Variants in METTL15 observed in about 807,000 individuals in gnomAD.
METTL15 encodes 12S rRNA N(4)-cytidine methyltransferase METTL15.
METTL15 carries 34 observed loss-of-function variants against 38.3 expected under a neutral mutation model. The ratio of observed to expected loss-of-function variants is 0.89; its 90% CI spans 0.68 to 1.18. The LOEUF is 1.18. Ranked by LOEUF, METTL15 falls within the 50% of genes most tolerant of loss-of-function variation. The pLI, the probability that METTL15 is intolerant of heterozygous loss-of-function variation, is 0.00. For synonymous variants in METTL15, 162 were observed against 170.9 expected (o/e 0.95, Z 0.41); for missense variants, 438 against 498.4 (o/e 0.88, Z 1.15).
intron 3 of METTL15, among the ~76,000 whole-genome samples, chr11:28,161,355 A>G (rs1021879216): frequency 1.5e-4 from 23 of 151,986 alleles, no homozygotes; most frequent in African/African-American, 5.6e-4. Context: ...CCTGGCCTCA[A>G]GTGATCCACC....
intron 5 of METTL15, among the ~76,000 whole-genome samples, chr11:28,372,746 T>C (rs1850259323): frequency 6.7e-6 from 1 of 149,746 alleles, no homozygotes. Flanking sequence ...ATTAGGTATA[T>C]CTCATAATGC....
intron 5 of METTL15, among the ~76,000 whole-genome samples, chr11:28,291,425 A>G (rs1206395483): frequency 6.6e-6 from 1 of 152,144 alleles, no homozygotes; most frequent in Admixed American, 6.6e-5. Flanking sequence ...GTACTGACCT[A>G]GGGAATGGAC....
intron 4 of METTL15, among the ~76,000 whole-genome samples, chr11:28,224,873 T>C (rs1401907060): frequency 6.6e-6 from 1 of 151,802 alleles, no homozygotes; most frequent in African/African-American, 2.4e-5. Context: ...ATTGAACTTT[T>C]ATAATTTCTT....
intron 4 of METTL15, among the ~76,000 whole-genome samples, chr11:28,250,818 T>G (rs1401305512): frequency 6.6e-6 from 1 of 152,030 alleles, no homozygotes; most frequent in Non-Finnish European, 1.5e-5. Context: ...GTCAGTAACA[T>G]TCAAAACTTT....
chr11:28,360,694 C>T (rs1285049634), intron 4 of METTL15, among the ~76,000 whole-genome samples: 1 of 151,814 alleles, frequency 6.6e-6, no homozygotes, highest in African/African-American at 2.4e-5. Flanking sequence ...TTTTAGGGTA[C>T]ATGTGGACAA....
At position 28,424,025 on chromosome 11, in the gene METTL15, C is replaced by A. The variant is rs998153880; in HGVS notation, c.*359-274C>A. On this transcript the variant is annotated intron_variant and NMD_transcript_variant, in intron 5 of 7. Coordinates refer to the METTL15 transcript ENST00000532947. ...TTTTTTTTAAAAAACCCCAAAGAAA[C>A]AAACAAAAAACTTCCATAAAACCTA... 7.2e-5 allele frequency among the ~76,000 whole-genome samples: 11 copies of A among 151,912 alleles called. No individual in the cohort carries two copies. In the East Asian group the frequency reaches 1.9e-3, roughly 27 times the overall value.
chr11:28,209,152 A>G (rs1029075493), intron 3 of METTL15, among the ~76,000 whole-genome samples: 1 of 151,994 alleles, frequency 6.6e-6, no homozygotes, highest in Non-Finnish European at 1.5e-5. Flanking sequence ...ATTGCTAATG[A>G]TGATGATTTT....
chr11:28,407,193 A>T (rs1850681436), intron 5 of METTL15, among the ~76,000 whole-genome samples: 1 of 152,216 alleles, frequency 6.6e-6, no homozygotes, highest in Non-Finnish European at 1.5e-5. Flanking sequence ...CTTAAAAGTA[A>T]AACCCAAAAC....
At chr11:28,355,436 C>T (rs1042059574) in intron 4 of METTL15, among the ~76,000 whole-genome samples, 2 of 151,994 alleles carry the variant, frequency 1.3e-5, no homozygotes, top group Non-Finnish European at 2.9e-5. Flanking sequence ...AGAAGATTCA[C>T]CATTACATTA....
rs775759328 is a variant in METTL15, at chr11:28,296,807, A to C, written c.654A>C (p.Ala218=). Residue 218 remains alanine (A), a synonymous_variant, in exon 6 of 7, where the codon GCA becomes GCC. Coordinates refer to ENST00000407364, the MANE Select transcript of METTL15 (RefSeq NM_001113528.2). ...ADVVNALDQQ[A]LASILRTYGE... Reference sequence around the variant, plus strand: ...TTGTGAATGCTTTAGATCAACAGGCACTTGCATCTATCCTAAGAACATACG... The same window carrying C: ...TTGTGAATGCTTTAGATCAACAGGCCCTTGCATCTATCCTAAGAACATACG... The C allele has an allele frequency of 6.2e-7, 1 of 1,613,494 alleles. No individual in the cohort carries two copies. The highest frequency in any genetic ancestry group is 8.5e-7 in the Non-Finnish European group (1 of 1,179,656).
intron 6 of METTL15, among the ~76,000 whole-genome samples, chr11:28,504,847 C>G (rs1003186568): frequency 6.6e-6 from 1 of 152,224 alleles, no homozygotes; most frequent in Admixed American, 6.5e-5. Context: ...GCTGCTGGCA[C>G]GTAACATGCA....
intron 3 of METTL15, among the ~76,000 whole-genome samples, chr11:28,161,005 T>A (rs752330905): frequency 6.6e-6 from 1 of 151,808 alleles, no homozygotes; most frequent in Non-Finnish European, 1.5e-5. Context: ...ATATACTAGC[T>A]GTAATTGAAA....
At chr11:28,324,614 T>C (rs1049167539) in intron 6 of METTL15, among the ~76,000 whole-genome samples, 1 of 152,238 alleles carries the variant, frequency 6.6e-6, no homozygotes, top group African/African-American at 2.4e-5. Context: ...TTGGTTCCCA[T>C]GATCACATTT....
At chr11:28,252,883 C>G (rs1013609002) in intron 4 of METTL15, among the ~76,000 whole-genome samples, 2 of 152,156 alleles carry the variant, frequency 1.3e-5, no homozygotes, top group East Asian at 1.9e-4. Context: ...TTCATCCTCA[C>G]TACTTTACTG....
At chr11:28,177,521 G>A (rs1381639324) in intron 3 of METTL15, among the ~76,000 whole-genome samples, 1 of 151,920 alleles carries the variant, frequency 6.6e-6, no homozygotes, top group East Asian at 1.9e-4. Flanking sequence ...ATGAAATATG[G>A]CAATGTAGGC....
chr11:28,485,112 T>TACAC (rs33941898), intron 6 of METTL15, among the ~76,000 whole-genome samples: 31,138 of 148,698 alleles, frequency 0.21, 3,218 homozygotes, highest in African/African-American at 0.23. Flanking sequence ...AATGAAGTTT[T>TACAC]ACACACACAC....
At chr11:28,406,508 A>G (rs772187422) in intron 5 of METTL15, among the ~76,000 whole-genome samples, 1 of 152,112 alleles carries the variant, frequency 6.6e-6, no homozygotes, top group Non-Finnish European at 1.5e-5. Flanking sequence ...TCCAGTATAC[A>G]TATGTAACAA....
At chr11:28,423,824 T>C (rs1299607777) in intron 5 of METTL15, among the ~76,000 whole-genome samples, 3 of 151,446 alleles carry the variant, frequency 2.0e-5, no homozygotes, top group Admixed American at 2.0e-4. Flanking sequence ...ATTAATAATT[T>C]AACTGTACAT....
At chr11:28,108,507 G>C (rs1035218182) in intron 1 of METTL15, 55 bp downstream of exon 1, 5 of 152,648 alleles carry the variant, frequency 3.3e-5, no homozygotes, top group Non-Finnish European at 7.3e-5. Flanking sequence ...GCTAGGGGGA[G>C]AGGTGGAGTT....
Sources: allele counts gnomAD v4.1 joint callset (sites outside exome capture counted in the v4.1 genomes callset), GRCh38; gene constraint gnomAD v4.1.1; transcripts MANE v1.5; gene names NCBI Gene and HGNC (gene_info 2026-07-23, HGNC 2026-07-21).